PSEN1: variants seen among roughly 807,000 people sequenced by gnomAD.
PSEN1 encodes the protein presenilin-1.
Under a neutral mutation model 53.5 loss-of-function variants are expected in PSEN1, and 15 were observed. The observed-to-expected ratio is 0.28, with a 90% CI of 0.19 to 0.43. The LOEUF is 0.43. Ranked by LOEUF, PSEN1 falls within the 20% of genes least tolerant of loss-of-function variation. The pLI is 1.00. For synonymous variants in PSEN1, 208 were observed against 209.8 expected (o/e 0.99, Z 0.08); for missense variants, 387 against 571.2 (o/e 0.68, Z 3.29).
At chr14:73,178,162 C>T (rs540696305) in intron 5 of PSEN1, among the ~76,000 whole-genome samples, 20 of 151,188 alleles carry the variant, frequency 1.3e-4, no homozygotes, top group Non-Finnish European at 2.1e-4. Context: ...TTAAGTATTC[C>T]GCCTGCCTGG....
chr14:73,215,293 G>A (rs1899867325), intron 10 of PSEN1, among the ~76,000 whole-genome samples: 1 of 149,674 alleles, frequency 6.7e-6, no homozygotes, highest in Admixed American at 6.7e-5. Flanking sequence ...GTTAAGAAGT[G>A]GAAAATAAGG....
At chr14:73,205,962 G>A (rs541997106) in intron 8 of PSEN1, among the ~76,000 whole-genome samples, 1 of 152,318 alleles carries the variant, frequency 6.6e-6, no homozygotes, top group South Asian at 2.1e-4. Context: ...TTCTAAAAAT[G>A]AGACATAATA....
At chr14:73,163,046 G>A (rs1897602051) in intron 3 of PSEN1, among the ~76,000 whole-genome samples, 1 of 151,774 alleles carries the variant, frequency 6.6e-6, no homozygotes, top group African/African-American at 2.4e-5. Context: ...ATTTCCTTTC[G>A]ATTATCATCT....
intron 8 of PSEN1, among the ~76,000 whole-genome samples, chr14:73,199,830 C>G (rs1899106069): frequency 6.6e-6 from 1 of 152,194 alleles, no homozygotes. Flanking sequence ...ACTGCAACCT[C>G]CGCCTCCTGG....
intron 11 of PSEN1, among the ~76,000 whole-genome samples, chr14:73,217,678 C>CA (rs1405438739): frequency 6.6e-6 from 1 of 152,070 alleles, no homozygotes; most frequent in East Asian, 1.9e-4. Context: ...CAACCTGTAG[C>CA]ATGCAGTGTT....
At position 73,198,065 on chromosome 14, in the gene PSEN1, T is replaced by G; in HGVS notation, c.804T>G (p.Leu268=). The change falls in exon 8 of 12, where the codon CTT becomes CTG. Residue 268 remains leucine, a synonymous_variant. Coordinates refer to ENST00000324501, the MANE Select transcript of PSEN1 (RefSeq NM_000021.4). The part of the protein sequence containing the change: ...LVAVLCPKGP[L]RMLVETAQER... ...CTGTTTTGTGTCCGAAAGGTCCACT[T>G]CGTATGCTGGTTGAAACAGCTCAGG... is the stretch of plus-strand genomic sequence containing the variant. 1 of 1,612,858 alleles carries G rather than the reference T, an allele frequency of 6.2e-7. No individual in the cohort carries two copies. Among genetic ancestry groups the G allele is most frequent in the Non-Finnish European group, 8.5e-7 (1 of 1,178,980 alleles).
At chr14:73,191,162 A>G (rs576762765) in intron 6 of PSEN1, among the ~76,000 whole-genome samples, 1 of 152,332 alleles carries the variant, frequency 6.6e-6, no homozygotes, top group Non-Finnish European at 1.5e-5. Context: ...TAAAAAAGAC[A>G]TTATATAAGA....
intron 11 of PSEN1, 115 bp downstream of exon 11, chr14:73,217,359 TGA>T: frequency 5.7e-6 from 7 of 1,233,172 alleles, no homozygotes; most frequent in Non-Finnish European, 8.3e-6. Context: ...TCCAGCTATC[TGA>T]GGAGCTTTTT....
Position 73,219,395 on chromosome 14 carries a change from C to A in PSEN1, c.*106C>A. The A allele has an allele frequency of 1.6e-6, 2 of 1,268,942 alleles. No homozygotes were observed. Among genetic ancestry groups the A allele is most frequent in the Non-Finnish European group, 2.3e-6 (2 of 877,918 alleles). 78.6% of individuals were successfully genotyped at this position (1,268,942 alleles called of 1,614,324 possible). ...GTCCACATCTAACAAAGTCAAGATT[C>A]CCGGCTGGACTTTTGCAGCTTCCTT... On this transcript the variant is annotated 3_prime_UTR_variant, in exon 12 of 12. Transcript: ENST00000324501.
At chr14:73,185,502 G>A (rs898097430) in intron 5 of PSEN1, among the ~76,000 whole-genome samples, 2 of 152,232 alleles carry the variant, frequency 1.3e-5, no homozygotes, top group Admixed American at 6.5e-5. Context: ...GGCTGAGTCA[G>A]GAGAATCAGG....
chr14:73,211,094 G>A (rs890963563), intron 9 of PSEN1, among the ~76,000 whole-genome samples: 4 of 152,162 alleles, frequency 2.6e-5, no homozygotes, highest in African/African-American at 9.7e-5. Flanking sequence ...AGTTGCAAAA[G>A]ATAAAAAGCC....
chr14:73,199,451 T>C (rs1414209996), intron 8 of PSEN1, among the ~76,000 whole-genome samples: 1 of 152,222 alleles, frequency 6.6e-6, no homozygotes, highest in African/African-American at 2.4e-5. Flanking sequence ...TGTTTTTTGA[T>C]GTCAGCACAT....
At chr14:73,214,530 CAAA>C (rs555608494) in intron 10 of PSEN1, among the ~76,000 whole-genome samples, 69 of 74,080 alleles carry the variant, frequency 9.3e-4, no homozygotes, top group African/African-American at 2.1e-3. Flanking sequence ...AACTCCATCT[CAAA>C]AAAAAAAAAA....
In PSEN1 at chr14:73,220,266, T is replaced by A. The variant is rs1900090024; in HGVS notation, c.*977T>A. ...AGCAGATGGTCCCATTATTCTAGGGTCTTACTCTTTGTATGATGAAAAGAA... is the reference window on the plus strand; with the variant it reads ...AGCAGATGGTCCCATTATTCTAGGGACTTACTCTTTGTATGATGAAAAGAA... On this transcript the variant is annotated 3_prime_UTR_variant, in exon 12 of 12. Transcript: ENST00000324501. 1 of 152,524 alleles carries A rather than the reference T, an allele frequency of 6.6e-6. No individual in the cohort carries two copies. The highest frequency in any genetic ancestry group is 2.4e-5 in the African/African-American group (1 of 41,428). 9.4% of individuals were successfully genotyped at this position (152,524 alleles called of 1,614,324 possible).
Position 73,179,006 on chromosome 14 carries a change from G to A in PSEN1, c.480+5299G>A, listed in dbSNP as rs542041380. ...ATCATATCCATACTCACTCACCTTG[G>A]GAATGGACCCACAAGTTTATAAACA... On this transcript the variant is annotated intron_variant, in intron 5 of 11. Transcript: ENST00000324501. 3.3e-5 allele frequency among the ~76,000 whole-genome samples: 5 copies of A among 152,192 alleles called. No individual in the cohort carries two copies. The East Asian group carries it at 9.7e-4, about 29-fold the overall frequency.
chr14:73,193,330 A>G (rs1261414359), intron 7 of PSEN1, among the ~76,000 whole-genome samples: 3 of 151,764 alleles, frequency 2.0e-5, no homozygotes, highest in East Asian at 3.9e-4. Flanking sequence ...TGGTTTTTCA[A>G]GCTTTTTGAG....
At chr14:73,209,435 G>A (rs775199656) in intron 9 of PSEN1, among the ~76,000 whole-genome samples, 6 of 152,222 alleles carry the variant, frequency 3.9e-5, no homozygotes, top group Non-Finnish European at 7.3e-5. Flanking sequence ...AAAATCAAAT[G>A]ATTGTCTGTG....
chr14:73,144,332 G>A (rs942590660), intron 1 of PSEN1, among the ~76,000 whole-genome samples: 6 of 152,014 alleles, frequency 3.9e-5, no homozygotes, highest in Admixed American at 3.3e-4. Context: ...GAGCCACTGC[G>A]CCCAGCCAGC....
chr14:73,194,770 A>C (rs1898872848), intron 7 of PSEN1, among the ~76,000 whole-genome samples: 1 of 150,900 alleles, frequency 6.6e-6, no homozygotes, highest in Admixed American at 6.6e-5. Flanking sequence ...GGGTTTCACC[A>C]TGTTAGCCAG....
Sources: gnomAD v4.1 joint callset for allele counts (sites outside exome capture counted in the v4.1 genomes callset) on GRCh38, gnomAD v4.1.1 for gene constraint, MANE v1.5 for transcripts, NCBI Gene and HGNC (gene_info 2026-07-23, HGNC 2026-07-21) for gene names.